CNR2: variants seen among roughly 807,000 people sequenced by gnomAD.
The protein encoded by CNR2 is cannabinoid receptor 2 (macrophage).
For missense variants in CNR2, 379 were observed against 439.9 expected (o/e 0.86, Z 1.24); for synonymous variants, 172 against 182.2 (o/e 0.94, Z 0.45).
Position 23,875,041 on chromosome 1 carries a change from T to C in CNR2, c.577A>G (p.Ser193Gly). Residue 193 changes from serine (S) to glycine (G), a missense_variant, in exon 2 of 2, where the codon AGC becomes GGC. By Grantham distance (56) the Ser-to-Gly change is moderately conservative (BLOSUM62 0). Transcript: ENST00000374472. ...AGGAAGGCGATGAACAGGAGCCAGCTCAGCAGGTAGTCATTGGGGATCAGT... is the reference window on the plus strand; with the variant it reads ...AGGAAGGCGATGAACAGGAGCCAGCCCAGCAGGTAGTCATTGGGGATCAGT... ...FPLIPNDYLL[S>G]WLLFIAFLFS... The C allele has an allele frequency of 6.2e-7, 1 of 1,607,676 alleles. No individual in the cohort carries two copies. The highest frequency in any genetic ancestry group is 1.1e-5 in the South Asian group (1 of 89,742).
intron 1 of CNR2, among the ~76,000 whole-genome samples, chr1:23,877,506 G>A (rs953803069): frequency 6.6e-6 from 1 of 152,032 alleles, no homozygotes; most frequent in African/African-American, 2.4e-5. Flanking sequence ...ATGGTGGCAG[G>A]TGCCTGTAGT....
chr1:23,872,428 G>C lies in CNR2; in HGVS notation c.*2107C>G, dbSNP rs934350441. 1.3e-5 allele frequency: 2 copies of C among 151,968 alleles called. No individual in the cohort carries two copies. Among genetic ancestry groups the C allele is most frequent in the African/African-American group, 4.8e-5 (2 of 41,344 alleles). The allele number at this position is 151,968 out of a possible 1,614,324, so 9.4% of individuals were successfully genotyped here. A position where few individuals can be genotyped will look rare whatever the true frequency, so the allele number is the denominator to read the frequency against. ...TAATACGGGGCCATTTAATAAAATG[G>C]AGTATATTGAGAATCTACGATGAGT... On this transcript the variant is annotated 3_prime_UTR_variant, in exon 2 of 2. Coordinates refer to ENST00000374472, the MANE Select transcript of CNR2 (RefSeq NM_001841.3).
At chr1:23,890,884 T>C (rs1316429738) in intron 1 of CNR2, among the ~76,000 whole-genome samples, 3 of 150,004 alleles carry the variant, frequency 2.0e-5, no homozygotes, top group African/African-American at 4.9e-5. Flanking sequence ...TCTTCTTCTT[T>C]TTTTTTTTTT....
intron 1 of CNR2, among the ~76,000 whole-genome samples, chr1:23,879,473 C>T (rs146961996): frequency 2.7e-4 from 41 of 152,158 alleles, no homozygotes; most frequent in South Asian, 4.2e-4. Context: ...TTTAGCCAGG[C>T]GTGGTGACAT....
At chr1:23,903,847 C>T (rs144013561) in intron 1 of CNR2, among the ~76,000 whole-genome samples, 37 of 152,210 alleles carry the variant, frequency 2.4e-4, no homozygotes, top group African/African-American at 8.9e-4. Flanking sequence ...GAGACGGAGG[C>T]GCAAAGATGC....
Position 23,913,300 on chromosome 1 carries a change from G to A in CNR2, c.-100C>T, listed in dbSNP as rs973150135. Reference sequence around the variant, plus strand: ...AGCTGCCGGGGGCTGAGGAGTCCCAGTTGTTTTCTGTCCTCTCCCAGGACC... The same window carrying A: ...AGCTGCCGGGGGCTGAGGAGTCCCAATTGTTTTCTGTCCTCTCCCAGGACC... On this transcript the variant is annotated 5_prime_UTR_variant, in exon 1 of 2. Transcript: ENST00000374472. 2.0e-5 allele frequency: 3 copies of A among 153,012 alleles called. No individual in the cohort carries two copies. Among genetic ancestry groups the A allele is most frequent in the African/African-American group, 7.2e-5 (3 of 41,474 alleles). The allele number at this position is 153,012 out of a possible 1,614,324, so 9.5% of individuals were successfully genotyped here. A position where few individuals can be genotyped will look rare whatever the true frequency, so the allele number is the denominator to read the frequency against.
At chr1:23,910,549 G>T (rs1441048584) in intron 1 of CNR2, among the ~76,000 whole-genome samples, 1 of 149,558 alleles carries the variant, frequency 6.7e-6, no homozygotes, top group African/African-American at 2.5e-5. Flanking sequence ...AGCTACTTGG[G>T]AGGCTGAGGC....
chr1:23,892,638 A>T (rs1196895917), intron 1 of CNR2, among the ~76,000 whole-genome samples: 1 of 152,058 alleles, frequency 6.6e-6, no homozygotes, highest in Non-Finnish European at 1.5e-5. Flanking sequence ...TGATTTATTT[A>T]TTGCTCCTTT....
chr1:23,901,494 G>C, intron 1 of CNR2: 1 of 1,579,460 alleles, frequency 6.3e-7, no homozygotes, highest in East Asian at 2.2e-5. Flanking sequence ...ATGAGCTCAG[G>C]GATCTGCCCA....
rs371616313 is a variant in CNR2, at chr1:23,895,725, G to C, written c.-46+17521C>G. 2.4e-4 allele frequency among the ~76,000 whole-genome samples: 37 copies of C among 152,176 alleles called. No individual in the cohort carries two copies. The East Asian group carries it at 2.5e-3, about 10-fold the overall frequency. ...GTTTCATATTGGCCAGGATGGTCTT[G>C]ATCTCTTGACCTCTTGATCCGCCCT... On this transcript the variant is annotated intron_variant, in intron 1 of 1. Transcript: ENST00000374472.
chr1:23,901,485 T>A (rs779006035), intron 1 of CNR2: 1 of 1,562,964 alleles, frequency 6.4e-7, no homozygotes, highest in Middle Eastern at 2.3e-4. Context: ...GCATAGAAGA[T>A]GAGCTCAGGG....
At chr1:23,905,294 C>T (rs1366680951) in intron 1 of CNR2, among the ~76,000 whole-genome samples, 2 of 150,930 alleles carry the variant, frequency 1.3e-5, no homozygotes, top group African/African-American at 2.4e-5. Flanking sequence ...GATTCTCTTG[C>T]CTCAGCTTCC....
chr1:23,905,905 C>T (rs369191045), intron 1 of CNR2, among the ~76,000 whole-genome samples: 28 of 152,098 alleles, frequency 1.8e-4, no homozygotes, highest in Non-Finnish European at 3.1e-4. Flanking sequence ...TGGGATCTAG[C>T]GGGATCACGG....
At chr1:23,881,093 T>C (rs926213099) in intron 1 of CNR2, among the ~76,000 whole-genome samples, 5 of 150,850 alleles carry the variant, frequency 3.3e-5, no homozygotes, top group African/African-American at 1.2e-4. Flanking sequence ...CTGGCCAACA[T>C]GGTGAAACTC....
At chr1:23,891,737 A>T (rs774164170) in intron 1 of CNR2, among the ~76,000 whole-genome samples, 44 of 152,118 alleles carry the variant, frequency 2.9e-4, no homozygotes, top group Middle Eastern at 3.4e-3. Context: ...TACTGCACAG[A>T]CCACTGTCTA....
chr1:23,883,697 C>A (rs150442653), intron 1 of CNR2, among the ~76,000 whole-genome samples: 1 of 151,892 alleles, frequency 6.6e-6, no homozygotes, highest in African/African-American at 2.4e-5. Flanking sequence ...TGGTGGTGTG[C>A]GCCTGTAGTC....
At chr1:23,885,640 G>A (rs1640074276) in intron 1 of CNR2, among the ~76,000 whole-genome samples, 1 of 151,608 alleles carries the variant, frequency 6.6e-6, no homozygotes, top group African/African-American at 2.4e-5. Context: ...AGCACTCTGG[G>A]AGGCTGAAGC....
At chr1:23,877,963 A>G (rs1338535808) in intron 1 of CNR2, among the ~76,000 whole-genome samples, 1 of 145,650 alleles carries the variant, frequency 6.9e-6, no homozygotes, top group Non-Finnish European at 1.5e-5. Flanking sequence ...CTCCATCTCA[A>G]AAAAAAAAAA....
intron 1 of CNR2, among the ~76,000 whole-genome samples, chr1:23,881,591 G>GA (rs570299583): frequency 5.0e-4 from 62 of 124,624 alleles, no homozygotes; most frequent in African/African-American, 1.7e-3. Context: ...CTCAAAAAAA[G>GA]AAAAAAAAAA....
Sources: gnomAD v4.1 joint callset for allele counts (sites outside exome capture counted in the v4.1 genomes callset) on GRCh38, gnomAD v4.1.1 for gene constraint, MANE v1.5 for transcripts, NCBI Gene and HGNC (gene_info 2026-07-23, HGNC 2026-07-21) for gene names.